GJB7: variants seen among roughly 807,000 people sequenced by gnomAD.
The protein encoded by GJB7 is gap junction beta-7 protein.
For missense variants in GJB7, 253 were observed against 256.8 expected (o/e 0.99, Z 0.10); for synonymous variants, 87 against 95.2 (o/e 0.91, Z 0.50).
intron 2 of GJB7, among the ~76,000 whole-genome samples, chr6:87,305,548 C>G (rs1414994140): frequency 6.6e-6 from 1 of 152,172 alleles, no homozygotes; most frequent in Non-Finnish European, 1.5e-5. Context: ...AATGGAAGAA[C>G]ATCCCGTGCT....
At position 87,284,176 on chromosome 6, in the gene GJB7, G is replaced by A. The variant is rs1776016823; in HGVS notation, c.*65C>T. On this transcript the variant is annotated 3_prime_UTR_variant, in exon 3 of 3. Coordinates refer to ENST00000525899, the MANE Select transcript of GJB7 (RefSeq NM_198568.3). ...AGGGAGTGTGTTTATGGCCAAGTGT[G>A]AAGATTCTGGAGTAGGGGAGGGGTC... The A allele has an allele frequency of 3.0e-6, 4 of 1,314,772 alleles. No homozygotes were observed. The highest frequency in any genetic ancestry group is 4.3e-6 in the Non-Finnish European group (4 of 935,544). The allele number at this position is 1,314,772 out of a possible 1,614,324, so 81.4% of individuals were successfully genotyped here. A position where few individuals can be genotyped will look rare whatever the true frequency, so the allele number is the denominator to read the frequency against.
At chr6:87,323,909 G>A (rs1445155184) in intron 1 of GJB7, among the ~76,000 whole-genome samples, 18 of 152,132 alleles carry the variant, frequency 1.2e-4, no homozygotes, top group East Asian at 7.7e-4. Flanking sequence ...AAGTGTTCCT[G>A]TTTCTCCACA....
rs1462851399 is a variant in GJB7, at chr6:87,327,661, G to A, written c.-206+1477C>T. Among the ~76,000 whole-genome samples the A allele has an allele frequency of 1.7e-4, 26 of 150,872 alleles. No individual in the cohort carries two copies. The East Asian group carries it at 3.1e-3, about 18-fold the overall frequency. On this transcript the variant is annotated intron_variant, in intron 1 of 2. Transcript: ENST00000525899. Reference sequence around the variant, plus strand: ...ATGGGCTTCCCTTTGTGGGTAACCCGACCTTTCTCTCTGGCTGCCCTTAAC... The same window carrying A: ...ATGGGCTTCCCTTTGTGGGTAACCCAACCTTTCTCTCTGGCTGCCCTTAAC...
Position 87,318,134 on chromosome 6 carries a change from T to TTA in GJB7, c.-28+4731_-28+4732insTA, listed in dbSNP as rs1554214554. Among the ~76,000 whole-genome samples, 4 of 150,814 alleles carry TTA rather than the reference T, an allele frequency of 2.7e-5. No individual in the cohort carries two copies. The East Asian group carries it at 7.7e-4, about 29-fold the overall frequency. ...TCCCCATTCTATTTTTTTTTTTTTT[T>TTA]ACTAATTTATATATCACACCATTTG... On this transcript the variant is annotated intron_variant, in intron 2 of 2. Transcript: ENST00000525899.
chr6:87,300,757 C>A lies in GJB7; in HGVS notation c.-27-15818G>T, dbSNP rs146179602. On this transcript the variant is annotated intron_variant, in intron 2 of 2. Coordinates refer to ENST00000525899, the MANE Select transcript of GJB7 (RefSeq NM_198568.3). ...TTAAATCACAGAGGTATTTTTACTA[C>A]TATTCTATAAGTCAGAATTTTAGTG... Among the ~76,000 whole-genome samples, 348 of 152,324 alleles carry A rather than the reference C, an allele frequency of 2.3e-3. 4 individuals are homozygous for A. The highest frequency in any genetic ancestry group is 8.2e-3 in the African/African-American group (339 of 41,576).
At chr6:87,305,561 T>G (rs570612847) in intron 2 of GJB7, among the ~76,000 whole-genome samples, 1 of 152,324 alleles carries the variant, frequency 6.6e-6, no homozygotes, top group South Asian at 2.1e-4. Context: ...CCCGTGCTCA[T>G]GGATAGGAAG....
chr6:87,299,260 C>G, intron 2 of GJB7: 1 of 468,062 alleles, frequency 2.1e-6, no homozygotes, highest in Non-Finnish European at 4.3e-6. Context: ...AGAAATTGCT[C>G]AGGTTGCTAC....
chr6:87,300,924 A>G (rs1776311578), intron 2 of GJB7, among the ~76,000 whole-genome samples: 1 of 152,252 alleles, frequency 6.6e-6, no homozygotes, highest in Admixed American at 6.5e-5. Context: ...ACTGACAAGC[A>G]TCCAGATACT....
intron 2 of GJB7, chr6:87,299,255 T>C (rs889809548): frequency 1.7e-5 from 8 of 464,328 alleles, no homozygotes; most frequent in South Asian, 3.3e-5. Context: ...CCTGGAGAAA[T>C]TGCTCAGGTT....
chr6:87,286,056 G>C (rs1245577312), intron 2 of GJB7, among the ~76,000 whole-genome samples: 7 of 151,900 alleles, frequency 4.6e-5, no homozygotes, highest in Non-Finnish European at 8.8e-5. Context: ...TTTCATCTTC[G>C]TTTTTGTTGT....
chr6:87,312,205 A>T (rs564754334), intron 2 of GJB7, among the ~76,000 whole-genome samples: 15 of 152,212 alleles, frequency 9.9e-5, no homozygotes, highest in African/African-American at 3.6e-4. Flanking sequence ...TTAAACAAAA[A>T]GTTTACTTAA....
chr6:87,288,540 TATC>T (rs1360073333), intron 2 of GJB7, among the ~76,000 whole-genome samples: 3 of 152,218 alleles, frequency 2.0e-5, no homozygotes, highest in Admixed American at 1.3e-4. Flanking sequence ...GCTGCCTTCT[TATC>T]ATCTCCAATA....
Position 87,284,677 on chromosome 6 carries a change from A to G in GJB7, c.236T>C (p.Leu79Ser). 1 of 1,614,184 alleles carries G rather than the reference A, an allele frequency of 6.2e-7. No individual in the cohort carries two copies. Among genetic ancestry groups the G allele is most frequent in the Non-Finnish European group, 8.5e-7 (1 of 1,180,020 alleles). ...AGGTGTGGAGACCATTATCAGTTGTAAGGCCCAAAGTCTGACTTGGGAAAT... is the reference window on the plus strand; with the variant it reads ...AGGTGTGGAGACCATTATCAGTTGTGAGGCCCAAAGTCTGACTTGGGAAAT... ...FPISQVRLWA[L>S]QLIMVSTPSL... Residue 79 changes from leucine (L) to serine (S), a missense_variant, in exon 3 of 3, where the codon TTA (leucine) becomes TCA (serine). Coordinates refer to ENST00000525899, the MANE Select transcript of GJB7 (RefSeq NM_198568.3).
chr6:87,300,549 A>C (rs1166157975), intron 2 of GJB7: 1 of 161,752 alleles, frequency 6.2e-6, no homozygotes, highest in Non-Finnish European at 1.4e-5. Flanking sequence ...AAATGGCTGA[A>C]GGCTGATGTT....
At chr6:87,289,684 T>C (rs1236086559) in intron 2 of GJB7, among the ~76,000 whole-genome samples, 1 of 152,210 alleles carries the variant, frequency 6.6e-6, no homozygotes, top group Admixed American at 6.5e-5. Context: ...GTTCTGACTG[T>C]GGTGACACTG....
At chr6:87,299,108 G>C in intron 2 of GJB7, 2 of 495,878 alleles carry the variant, frequency 4.0e-6, no homozygotes, top group Non-Finnish European at 4.0e-6. Flanking sequence ...CAGTGCTATT[G>C]TACTGCCATG....
intron 2 of GJB7, among the ~76,000 whole-genome samples, chr6:87,311,726 T>C (rs988306237): frequency 2.0e-5 from 3 of 152,202 alleles, no homozygotes; most frequent in Admixed American, 6.5e-5. Context: ...ATTGTATAAA[T>C]TGGTTTGCAG....
Position 87,284,230 on chromosome 6 carries a change from G to C in GJB7, c.*11C>G. On this transcript the variant is annotated 3_prime_UTR_variant, in exon 3 of 3. Transcript: ENST00000525899. ...CTCCTACCACATTCAACATATCTGA[G>C]GCTGTGGCACTCACACACTGAGGAC... The C allele has an allele frequency of 2.5e-6, 4 of 1,606,264 alleles. No homozygotes were observed. The highest frequency in any genetic ancestry group is 1.1e-5 in the South Asian group (1 of 90,146).
intron 2 of GJB7, among the ~76,000 whole-genome samples, chr6:87,305,556 G>T (rs183809674): frequency 2.4e-4 from 37 of 152,316 alleles, no homozygotes; most frequent in African/African-American, 7.9e-4. Context: ...AACATCCCGT[G>T]CTCATGGATA....
Sources: gnomAD v4.1 joint callset for allele counts (sites outside exome capture counted in the v4.1 genomes callset) on GRCh38, gnomAD v4.1.1 for gene constraint, MANE v1.5 for transcripts, NCBI Gene and HGNC (gene_info 2026-07-23, HGNC 2026-07-21) for gene names.